The following TACR3 variants were observed in gnomAD, a reference collection of about 807,000 sequenced individuals.
TACR3 encodes neuromedin-K receptor.
A neutral mutation model predicts 35.0 loss-of-function variants in TACR3; 34 were observed. The observed-to-expected ratio is 0.97, with a 90% confidence interval of 0.74 to 1.30. TACR3 has a LOEUF of 1.30. TACR3 is among the 50% of genes most tolerant of loss of function. The pLI is 0.00. For missense variants in TACR3, 558 were observed against 591.7 expected, an observed-to-expected ratio of 0.94 and a Z score of 0.59; for synonymous variants, 233 against 221.1, an observed-to-expected ratio of 1.05 and a Z score of -0.48.
intron 1 of TACR3, among the ~76,000 whole-genome samples, chr4:103,716,677 C>T (rs1460930897): frequency 6.6e-6 from 1 of 150,494 alleles, no homozygotes; most frequent in African/African-American, 2.5e-5. Context: ...GAACAAAAGC[C>T]ATATGTGCCC....
chr4:103,606,069 G>T (rs1481845176), intron 3 of TACR3, among the ~76,000 whole-genome samples: 1 of 151,264 alleles, frequency 6.6e-6, no homozygotes, highest in African/African-American at 2.4e-5. Flanking sequence ...CAGCACCATT[G>T]ATTAAATAGG....
chr4:103,709,251 A>G (rs1456809786), intron 1 of TACR3, among the ~76,000 whole-genome samples: 1 of 152,226 alleles, frequency 6.6e-6, no homozygotes. Context: ...AAGGGCAGCC[A>G]GAGAGAAAGG....
At chr4:103,712,320 C>A (rs1722985607) in intron 1 of TACR3, among the ~76,000 whole-genome samples, 1 of 152,174 alleles carries the variant, frequency 6.6e-6, no homozygotes, top group Admixed American at 6.5e-5. Context: ...AATAATATCA[C>A]ACATCTACAA....
At chr4:103,682,475 A>G (rs1293891556) in intron 1 of TACR3, among the ~76,000 whole-genome samples, 2 of 152,126 alleles carry the variant, frequency 1.3e-5, no homozygotes, top group Non-Finnish European at 2.9e-5. Context: ...TTATAAAACC[A>G]TCAGATCTTG....
At chr4:103,636,730 A>G (rs1264949053) in intron 3 of TACR3, among the ~76,000 whole-genome samples, 1 of 152,110 alleles carries the variant, frequency 6.6e-6, no homozygotes, top group Non-Finnish European at 1.5e-5. Flanking sequence ...AATCAAATAG[A>G]CGCAATAAAA....
intron 1 of TACR3, among the ~76,000 whole-genome samples, chr4:103,661,591 A>C (rs1223567507): frequency 6.6e-6 from 1 of 152,198 alleles, no homozygotes; most frequent in East Asian, 1.9e-4. Context: ...TGTAGCACAG[A>C]TAATTCAAAG....
Position 103,719,946 on chromosome 4 carries a change from G to C in TACR3, c.-271C>G, listed in dbSNP as rs3733631. 138,705 of 555,554 alleles carry C rather than the reference G, an allele frequency of 0.25. 25,544 individuals carry two copies. The highest frequency in any genetic ancestry group is 0.73 in the African/African-American group (38,722 of 53,250). 34.4% of individuals were successfully genotyped at this position (555,554 alleles called of 1,614,324 possible). A position where few individuals can be genotyped will look rare whatever the true frequency, so the allele number is the denominator to read the frequency against. On this transcript the variant is annotated 5_prime_UTR_variant, in exon 1 of 5. Coordinates refer to ENST00000304883, the MANE Select transcript of TACR3 (RefSeq NM_001059.3). ...TAAGGGTTATCGAGTCACATCACAC[G>C]TAGGGAGGGTGCCAGCTGCCCGGCA...
rs539175815 is a variant in TACR3, at chr4:103,620,950, A to T, written c.889-29267T>A. Reference sequence around the variant, plus strand: ...ATTCATTAATCTTATAAGCATTTATACCATTCTTGAATTATGTACCTTGTG... The same window carrying T: ...ATTCATTAATCTTATAAGCATTTATTCCATTCTTGAATTATGTACCTTGTG... On this transcript the variant is annotated intron_variant, in intron 3 of 4. Transcript: ENST00000304883. Among the ~76,000 whole-genome samples the T allele has an allele frequency of 1.1e-4, 16 of 152,362 alleles. No homozygotes were observed. In the South Asian group the frequency reaches 3.3e-3, roughly 32 times the overall value.
intron 2 of TACR3, among the ~76,000 whole-genome samples, chr4:103,656,973 A>G (rs567320501): frequency 6.6e-6 from 1 of 152,102 alleles, no homozygotes; most frequent in East Asian, 1.9e-4. Context: ...AAACAAAACA[A>G]AAAAACATGT....
rs150513578 is a variant in TACR3, at chr4:103,603,794, G to A, written c.889-12111C>T. On this transcript the variant is annotated intron_variant, in intron 3 of 4. Transcript: ENST00000304883. The stretch of plus-strand genomic sequence containing the variant: ...ACTAATTTATATTCCCACCAACAGT[G>A]TGAAAGCATTCCTATTTCTCCACAT... Among the ~76,000 whole-genome samples, 775 of 152,286 alleles carry A rather than the reference G, an allele frequency of 5.1e-3. 11 individuals are homozygous for A. Among genetic ancestry groups the A allele is most frequent in the African/African-American group, 0.018 (738 of 41,556 alleles).
chr4:103,712,371 G>T (rs1722988091), intron 1 of TACR3, among the ~76,000 whole-genome samples: 3 of 152,088 alleles, frequency 2.0e-5, no homozygotes, highest in Admixed American at 1.3e-4. Context: ...CAAGAAATGG[G>T]GAAAGGATTC....
rs199807268 is a variant in TACR3 at position 103,589,758 on chromosome 4, C to G, written c.1322G>C (p.Arg441Pro). The G allele has an allele frequency of 1.2e-6, 2 of 1,613,934 alleles. No homozygotes were observed. Among genetic ancestry groups the G allele is most frequent in the Admixed American group, 1.7e-5 (1 of 59,992 alleles). The stretch of plus-strand genomic sequence containing the variant: ...GGCGGAGGCAGATTTGGAATTCCTG[C>G]GAGAGCAGCCATTGAAACTTGGGTC... ...PRDPSFNGCS[R>P]RNSKSASATS... is the part of the protein sequence containing the mutation. The change falls in exon 5 of 5, where the codon CGC becomes CCC. Residue 441 changes from arginine (R) to proline (P), a missense_variant. Arg to Pro is a moderately radical substitution (Grantham distance 103). Coordinates refer to ENST00000304883, the MANE Select transcript of TACR3 (RefSeq NM_001059.3).
chr4:103,629,252 A>C (rs373885226), intron 3 of TACR3, among the ~76,000 whole-genome samples: 16,781 of 151,854 alleles, frequency 0.11, 953 homozygotes, highest in African/African-American at 0.13. Flanking sequence ...CCCTCTCTCA[A>C]CACTCCTATT....
intron 3 of TACR3, chr4:103,624,658 A>G (rs1395232190): frequency 6.6e-6 from 1 of 152,004 alleles, no homozygotes; most frequent in East Asian, 1.9e-4. Context: ...TTAGAAAGAA[A>G]TCTGAAGAGA....
rs756455486 is a variant in TACR3 at position 103,587,902 on chromosome 4, TATC to T, written c.*1777_*1779del. 6.6e-6 allele frequency: 1 copy of T among 152,078 alleles called. No homozygotes were observed. The highest frequency in any genetic ancestry group is 6.6e-5 in the Admixed American group (1 of 15,244). 9.4% of individuals were successfully genotyped at this position (152,078 alleles called of 1,614,324 possible). On this transcript the variant is annotated 3_prime_UTR_variant, in exon 5 of 5. Coordinates refer to ENST00000304883, the MANE Select transcript of TACR3 (RefSeq NM_001059.3). ...ATATGGCAATGCTGTAATGACCACTTATCATTTCAGTATTTGATTTTAATTCTT... is the reference window on the plus strand; with the variant it reads ...ATATGGCAATGCTGTAATGACCACTTATTTCAGTATTTGATTTTAATTCTT...
intron 3 of TACR3, among the ~76,000 whole-genome samples, chr4:103,612,741 C>T (rs918468680): frequency 6.6e-6 from 1 of 152,108 alleles, no homozygotes; most frequent in Non-Finnish European, 1.5e-5. Context: ...AACTCCTGAC[C>T]TCAGGTGATC....
At chr4:103,607,354 T>A (rs1055930210) in intron 3 of TACR3, among the ~76,000 whole-genome samples, 7 of 152,122 alleles carry the variant, frequency 4.6e-5, no homozygotes, top group African/African-American at 1.7e-4. Flanking sequence ...ATTTTCAGAC[T>A]CAGTTTATGA....
chr4:103,656,337 T>C lies in TACR3; in HGVS notation c.745A>G (p.Ile249Val), dbSNP rs148732080. ...CAGTACACCAGTATAATGACGATAA[T>C]ATGGTAACTATGAAAAATAAGAAAA... ...EGPKQHFTYHIIVIILVYCFP... is the reference protein window; with the variant it reads ...EGPKQHFTYHVIVIILVYCFP... Residue 249 changes from isoleucine to valine, a missense_variant, in exon 3 of 5, where the codon ATT (isoleucine) becomes GTT (valine). Coordinates refer to ENST00000304883, the MANE Select transcript of TACR3 (RefSeq NM_001059.3). 1.1e-4 allele frequency: 174 copies of C among 1,612,202 alleles called. No individual in the cohort carries two copies. The highest frequency in any genetic ancestry group is 4.5e-4 in the Admixed American group (27 of 59,892).
In TACR3 at chr4:103,641,174, A is replaced by G. The variant is rs1044159671; in HGVS notation, c.888+15020T>C. Among the ~76,000 whole-genome samples, 5 of 151,750 alleles carry G rather than the reference A, an allele frequency of 3.3e-5. No homozygotes were observed. The East Asian group carries it at 5.8e-4, about 18-fold the overall frequency. On this transcript the variant is annotated intron_variant, in intron 3 of 4. Coordinates refer to ENST00000304883, the MANE Select transcript of TACR3 (RefSeq NM_001059.3). Reference sequence around the variant, plus strand: ...TTGCACATACTGTTCTTTTTCAATTATGTGTTCTTGGTACCTTTGTTAATA... The same window carrying G: ...TTGCACATACTGTTCTTTTTCAATTGTGTGTTCTTGGTACCTTTGTTAATA...
Sources: allele counts gnomAD v4.1 joint callset (sites outside exome capture counted in the v4.1 genomes callset), GRCh38; gene constraint gnomAD v4.1.1; transcripts MANE v1.5; gene names NCBI Gene and HGNC (gene_info 2026-07-23, HGNC 2026-07-21).